PCDHGB4: variants seen among roughly 807,000 people sequenced by gnomAD.
PCDHGB4 encodes the protein protocadherin gamma subfamily B, 4.
PCDHGB4 carries 38 observed loss-of-function variants against 60.5 expected under a neutral mutation model. That is an observed-to-expected ratio of 0.63 (90% CI 0.48 to 0.82). The LOEUF (loss-of-function observed/expected upper bound fraction) is 0.82. Ranked by LOEUF, PCDHGB4 falls within the 40% of genes least tolerant of loss-of-function variation. The pLI is 0.00. For synonymous variants in PCDHGB4, 456 were observed against 509.7 expected (o/e 0.89, Z 1.42); for missense variants, 1,109 against 1,209.6 (o/e 0.92, Z 1.23).
At chr5:141,400,332 T>TC (rs772688780) in intron 1 of PCDHGB4, 6 of 1,613,994 alleles carry the variant, frequency 3.7e-6, no homozygotes, top group South Asian at 3.3e-5. Flanking sequence ...GACCTGTGGT[T>TC]CCCCCCAACT....
rs1452737362 is a variant in PCDHGB4, at chr5:141,432,324, A to G, written c.2397+42043A>G. On this transcript the variant is annotated intron_variant, in intron 1 of 3. Transcript: ENST00000519479. The surrounding 1 kb of genome is among the most constrained non-coding windows in gnomAD (Gnocchi z 6.0). ...CTGTATGCGCTGAGCTCCTTCGACTACGAGCAGTTCCGAGACTTGCAAGTG... is the reference window on the plus strand; with the variant it reads ...CTGTATGCGCTGAGCTCCTTCGACTGCGAGCAGTTCCGAGACTTGCAAGTG... 3 of 1,614,058 alleles carry G rather than the reference A, an allele frequency of 1.9e-6. No homozygotes were observed. The highest frequency in any genetic ancestry group is 2.7e-5 in the African/African-American group (2 of 74,910).
intron 1 of PCDHGB4, among the ~76,000 whole-genome samples, chr5:141,444,771 T>C (rs987549188): frequency 6.6e-6 from 1 of 152,246 alleles, no homozygotes; most frequent in African/African-American, 2.4e-5. Context: ...TTCTATATTC[T>C]TGATCATGTT....
At chr5:141,407,328 A>G (rs1016529734) in intron 1 of PCDHGB4, among the ~76,000 whole-genome samples, 1 of 152,210 alleles carries the variant, frequency 6.6e-6, no homozygotes, top group Admixed American at 6.5e-5. Flanking sequence ...ATTTATAAAT[A>G]TTGAAATGTA....
intron 1 of PCDHGB4, chr5:141,419,810 C>G (rs368168278): frequency 1.7e-5 from 27 of 1,613,946 alleles, no homozygotes; most frequent in Non-Finnish European, 2.1e-5. Context: ...AGATGGAGGA[C>G]AGCCACCCCT....
chr5:141,458,970 C>T (rs1260904595), intron 1 of PCDHGB4, among the ~76,000 whole-genome samples: 1 of 152,170 alleles, frequency 6.6e-6, no homozygotes, highest in Admixed American at 6.6e-5. Flanking sequence ...CAGCCTCAAG[C>T]AGTCCTCCTG....
chr5:141,510,919 C>T (rs748157000), intron 3 of PCDHGB4, 28 bp from the exon 4 acceptor site: 1 of 1,613,894 alleles, frequency 6.2e-7, no homozygotes, highest in East Asian at 2.2e-5. Context: ...AAGTTTAGCT[C>T]CCACCTGATC....
chr5:141,413,014 A>T, intron 1 of PCDHGB4: 1 of 663,842 alleles, frequency 1.5e-6, no homozygotes, highest in Non-Finnish European at 2.4e-6. Context: ...CTTCAACTAC[A>T]CAAGCCCCAC....
Position 141,476,162 on chromosome 5 carries a change from G to A in PCDHGB4, c.2398-18645G>A. 6.2e-7 allele frequency: 1 copy of A among 1,613,038 alleles called. No homozygotes were observed. Among genetic ancestry groups the A allele is most frequent in the South Asian group, 1.1e-5 (1 of 91,040 alleles). Reference sequence around the variant, plus strand: ...GAGCGGACTGGTAAGCACCGGGAGGGTAGTGGGAGTTTTGCTTCTGCTTGG... The same window carrying A: ...GAGCGGACTGGTAAGCACCGGGAGGATAGTGGGAGTTTTGCTTCTGCTTGG... On this transcript the variant is annotated intron_variant, in intron 1 of 3. Coordinates refer to ENST00000519479, the MANE Select transcript of PCDHGB4 (RefSeq NM_003736.4). The surrounding 1 kb of genome is among the most constrained non-coding windows in gnomAD (Gnocchi z 7.6).
In PCDHGB4 at chr5:141,490,951, T is replaced by C. The variant is rs778168052; in HGVS notation, c.2398-3856T>C. 20 of 1,613,640 alleles carry C rather than the reference T, an allele frequency of 1.2e-5. No homozygotes were observed. Among genetic ancestry groups the C allele is most frequent in the Middle Eastern group, 1.6e-4 (1 of 6,084 alleles). On this transcript the variant is annotated intron_variant, in intron 1 of 3. Coordinates refer to ENST00000519479, the MANE Select transcript of PCDHGB4 (RefSeq NM_003736.4). This position sits in a 1 kb window ranked among gnomAD's most constrained non-coding sequence, Gnocchi z 5.4. The stretch of plus-strand genomic sequence containing the variant: ...AGCTGTGCTGCACCCACGGCCAGAC[T>C]GGGAACACTCAGCCCCCCAGCGTCT...
rs11952292 is a variant in PCDHGB4 at position 141,491,682 on chromosome 5, G to T, written c.2398-3125G>T. The T allele has an allele frequency of 0.072, 115,891 of 1,613,112 alleles. 4,572 individuals carry two copies. The highest frequency in any genetic ancestry group is 0.11 in the South Asian group (9,996 of 91,042). ...ACGCCATCCGGTCCCGCTCTAATAC[G>T]CTGCGGGAGCGGAGCCAGGTGAGGG... On this transcript the variant is annotated intron_variant, in intron 1 of 3. Coordinates refer to ENST00000519479, the MANE Select transcript of PCDHGB4 (RefSeq NM_003736.4). The surrounding 1 kb of genome is among the most constrained non-coding windows in gnomAD (Gnocchi z 6.9).
chr5:141,507,478 C>A (rs933478897), intron 3 of PCDHGB4, among the ~76,000 whole-genome samples: 3 of 152,158 alleles, frequency 2.0e-5, no homozygotes, highest in Non-Finnish European at 4.4e-5. Context: ...GGACTGCTGG[C>A]CTCCTGAGGC....
chr5:141,410,466 G>T (rs536543649), intron 1 of PCDHGB4: 2 of 1,613,908 alleles, frequency 1.2e-6, no homozygotes, highest in South Asian at 1.1e-5. Context: ...TATAATCTGT[G>T]CATTGCACAT....
At chr5:141,438,621 TATATATATATATATACAC>T (rs1369797568) in intron 1 of PCDHGB4, among the ~76,000 whole-genome samples, 6 of 41,386 alleles carry the variant, frequency 1.4e-4, no homozygotes, top group South Asian at 9.0e-4. Context: ...TATATATATA[TATATATATATATATACAC>T]ACACACACAC....
At chr5:141,510,366 T>A (rs1452829030) in intron 3 of PCDHGB4, among the ~76,000 whole-genome samples, 1 of 140,062 alleles carries the variant, frequency 7.1e-6, no homozygotes, top group Non-Finnish European at 1.6e-5. Context: ...AACTACCGAA[T>A]CTCTACTCGT....
intron 1 of PCDHGB4, among the ~76,000 whole-genome samples, chr5:141,437,064 G>T (rs1380953110): frequency 6.6e-6 from 1 of 152,170 alleles, no homozygotes; most frequent in Non-Finnish European, 1.5e-5. Flanking sequence ...ATCATTATTT[G>T]GTTTGGGCCA....
intron 1 of PCDHGB4, among the ~76,000 whole-genome samples, chr5:141,483,255 G>T (rs1383670642): frequency 1.3e-5 from 2 of 152,030 alleles, no homozygotes; most frequent in African/African-American, 2.4e-5. Context: ...ATATCATGAG[G>T]TTTTTTTGTT....
At chr5:141,418,855 A>C in intron 1 of PCDHGB4, 1 of 1,614,042 alleles carries the variant, frequency 6.2e-7, no homozygotes, top group Non-Finnish European at 8.5e-7. Context: ...CACGGTGTAA[A>C]GTAATTGTAG....
At chr5:141,439,727 C>G (rs940325016) in intron 1 of PCDHGB4, 2 of 152,406 alleles carry the variant, frequency 1.3e-5, no homozygotes, top group Non-Finnish European at 2.9e-5. Context: ...AAATTATAAG[C>G]AGGAACGGAA....
At chr5:141,414,460 A>G in intron 1 of PCDHGB4, 1 of 1,613,922 alleles carries the variant, frequency 6.2e-7, no homozygotes, top group Non-Finnish European at 8.5e-7. Context: ...AGTGACAGCC[A>G]CAGATGGGGG....
Sources: gnomAD v4.1 joint callset for allele counts (sites outside exome capture counted in the v4.1 genomes callset) on GRCh38, gnomAD v4.1.1 for gene constraint, Gnocchi (gnomAD v3.1) non-coding constraint, MANE v1.5 for transcripts, NCBI Gene and HGNC (gene_info 2026-07-23, HGNC 2026-07-21) for gene names.